SETX: variants seen among roughly 807,000 people sequenced by gnomAD.
SETX encodes the protein senataxin.
SETX carries 90 observed loss-of-function variants against 227.2 expected under a neutral mutation model. The ratio of observed to expected loss-of-function variants is 0.40; its 90% confidence interval spans 0.33 to 0.47. The LOEUF is 0.47. Ranked by LOEUF, SETX falls within the 20% of genes least tolerant of loss-of-function variation. The pLI is 0.91. For synonymous variants in SETX, 1,210 were observed against 1,113.2 expected, an observed-to-expected ratio of 1.09 and a Z score of -1.73; for missense variants, 3,052 against 3,181.5, an observed-to-expected ratio of 0.96 and a Z score of 0.98.
chr9:132,283,237 A>C, intron 19 of SETX, 27 bp downstream of exon 19: 3 of 1,614,162 alleles, frequency 1.9e-6, no homozygotes, highest in Non-Finnish European at 2.5e-6. Flanking sequence ...GTAGTAGTCA[A>C]AGTTGTATGG....
chr9:132,285,874 G>A lies in SETX; in HGVS notation c.6396+549C>T, dbSNP rs556032969. 1.4e-4 allele frequency among the ~76,000 whole-genome samples: 15 copies of A among 106,552 alleles called. No individual in the cohort carries two copies. In the Admixed American group the frequency reaches 1.4e-3, roughly 10 times the overall value. 69.9% of individuals were successfully genotyped at this position (106,552 alleles called of 152,430 possible). On this transcript the variant is annotated intron_variant, in intron 18 of 25. Coordinates refer to ENST00000224140, the MANE Select transcript of SETX (RefSeq NM_015046.7). The stretch of plus-strand genomic sequence containing the variant: ...CAGCCTGGCAACAGAGTGAGACTCT[G>A]TCTCAAAAAAAAAAAAACACAAAAG...
At chr9:132,308,033 T>C (rs1027817967) in intron 11 of SETX, among the ~76,000 whole-genome samples, 2 of 152,350 alleles carry the variant, frequency 1.3e-5, no homozygotes, top group Middle Eastern at 6.8e-3. Flanking sequence ...GTATTTATAC[T>C]GCCTTTCCTT....
Position 132,278,051 on chromosome 9 carries a change from A to G in SETX, c.6842+19T>C, listed in dbSNP as rs761912109. 1.9e-6 allele frequency: 3 copies of G among 1,608,284 alleles called. No homozygotes were observed. The highest frequency in any genetic ancestry group is 1.7e-6 in the Non-Finnish European group (2 of 1,175,196). On this transcript the variant is annotated intron_variant, in intron 21 of 25. Transcript: ENST00000224140. ...TAAACTACAACAAAATAAGGTCACA[A>G]ACAATAAGGGGAACTCACCTATTTG...
intron 15 of SETX, among the ~76,000 whole-genome samples, chr9:132,294,484 A>T (rs565120179): frequency 6.6e-6 from 1 of 152,388 alleles, no homozygotes; most frequent in African/African-American, 2.4e-5. Flanking sequence ...AAGTGGAAAA[A>T]AGTAAATCAG....
rs541298577 is a variant in SETX at position 132,343,233 on chromosome 9, C to T, written c.389-434G>A. Among the ~76,000 whole-genome samples, 15 of 152,250 alleles carry T rather than the reference C, an allele frequency of 9.9e-5. No individual in the cohort carries two copies. In the South Asian group the frequency reaches 1.0e-3, roughly 11 times the overall value. On this transcript the variant is annotated intron_variant, in intron 4 of 25. Coordinates refer to ENST00000224140, the MANE Select transcript of SETX (RefSeq NM_015046.7). ...ACTCGGAAGGCTGAGGCAGGAGAATCGCTTGAACCCAGGAGGTGGAGGTTG... is the reference window on the plus strand; with the variant it reads ...ACTCGGAAGGCTGAGGCAGGAGAATTGCTTGAACCCAGGAGGTGGAGGTTG...
intron 3 of SETX, among the ~76,000 whole-genome samples, chr9:132,347,115 G>A (rs1183825932): frequency 1.3e-5 from 2 of 151,612 alleles, no homozygotes; most frequent in East Asian, 2.0e-4. Context: ...ATAGCCAGGC[G>A]TAGTGGTGCA....
intron 11 of SETX, among the ~76,000 whole-genome samples, chr9:132,301,924 C>T (rs1845019171): frequency 6.6e-6 from 1 of 152,208 alleles, no homozygotes; most frequent in Non-Finnish European, 1.5e-5. Context: ...CTGAAAAATA[C>T]AAACCACTGC....
intron 1 of SETX, among the ~76,000 whole-genome samples, chr9:132,354,119 G>A (rs982049579): frequency 6.6e-6 from 1 of 152,192 alleles, no homozygotes; most frequent in Admixed American, 6.5e-5. Context: ...CGTTTCACTT[G>A]GGTCGTGCAA....
chr9:132,310,187 G>A (rs1248965127), intron 11 of SETX, among the ~76,000 whole-genome samples: 1 of 152,082 alleles, frequency 6.6e-6, no homozygotes, highest in Non-Finnish European at 1.5e-5. Context: ...TCCCTAATGA[G>A]GACATTACAA....
intron 15 of SETX, among the ~76,000 whole-genome samples, chr9:132,294,775 G>A (rs116729489): frequency 6.9e-4 from 105 of 152,280 alleles, no homozygotes; most frequent in African/African-American, 2.4e-3. Flanking sequence ...AGGTGCACTC[G>A]AGAATGGAGG....
chr9:132,325,961 T>C (rs1279374234), intron 10 of SETX, among the ~76,000 whole-genome samples: 1 of 150,798 alleles, frequency 6.6e-6, no homozygotes, highest in African/African-American at 2.4e-5. Context: ...AAGTGTTTCC[T>C]CTGTATTGCC....
intron 20 of SETX, among the ~76,000 whole-genome samples, chr9:132,280,191 G>A (rs1429068179): frequency 6.6e-6 from 1 of 151,900 alleles, no homozygotes; most frequent in Non-Finnish European, 1.5e-5. Context: ...AGAAACAGGT[G>A]GTCAAAAAAG....
In SETX at chr9:132,296,909, A is replaced by C. The variant is rs121434379; in HGVS notation, c.5927T>G (p.Leu1976Arg). 1.2e-5 allele frequency: 19 copies of C among 1,614,038 alleles called. No homozygotes were observed. The highest frequency in any genetic ancestry group is 2.7e-5 in the African/African-American group (2 of 74,926). The change falls in exon 14 of 26, where the codon CTC (leucine) becomes CGC (arginine). Residue 1976 changes from leucine (L) to arginine (R), a missense_variant. Leu to Arg is a moderately radical substitution (Grantham distance 102). Around this residue, in one of 10 missense-constraint regions of SETX, gnomAD observed 412 missense variants for 589.0 expected, o/e 0.70. Transcript: ENST00000224140. ...GTGKSKTIVG[L>R]LYRLLTENQR... Reference sequence around the variant, plus strand: ...TACCTCTGTCAGTAGACGATAGAGGAGGCCAACAATAGTTTTTGATTTTCC... The same window carrying C: ...TACCTCTGTCAGTAGACGATAGAGGCGGCCAACAATAGTTTTTGATTTTCC...
chr9:132,299,916 G>C (rs991524988), intron 12 of SETX, among the ~76,000 whole-genome samples: 6 of 151,996 alleles, frequency 3.9e-5, no homozygotes, highest in African/African-American at 1.2e-4. Flanking sequence ...GTTGATGGGG[G>C]TGAGGAGTTC....
intron 11 of SETX, among the ~76,000 whole-genome samples, chr9:132,309,555 C>T (rs1291047105): frequency 2.0e-5 from 3 of 152,014 alleles, no homozygotes; most frequent in South Asian, 2.1e-4. Flanking sequence ...ACGTAAAAAC[C>T]AGCTGGGCGA....
In SETX at chr9:132,314,740, A is replaced by G. The variant is rs141976963; in HGVS notation, c.5275-2884T>C. 3.3e-4 allele frequency among the ~76,000 whole-genome samples: 50 copies of G among 152,222 alleles called. 1 individual carries two copies. In the East Asian group the frequency reaches 9.6e-3, roughly 29 times the overall value. On this transcript the variant is annotated intron_variant, in intron 10 of 25. Transcript: ENST00000224140. Reference sequence around the variant, plus strand: ...AACTGGAGGTTCCTAATAATTTAGTAATTTAACATTTTTCAGATCAAATAG... The same window carrying G: ...AACTGGAGGTTCCTAATAATTTAGTGATTTAACATTTTTCAGATCAAATAG...
At chr9:132,309,768 G>A (rs1845544736) in intron 11 of SETX, among the ~76,000 whole-genome samples, 1 of 152,100 alleles carries the variant, frequency 6.6e-6, no homozygotes, top group South Asian at 2.1e-4. Flanking sequence ...TCTGCGAGCT[G>A]TAGTTTGCTA....
rs1285827041 is a variant in SETX at position 132,353,753 on chromosome 9, T to C, written c.-112A>G. The C allele has an allele frequency of 6.6e-6, 1 of 152,216 alleles. No individual in the cohort carries two copies. Among genetic ancestry groups the C allele is most frequent in the Admixed American group, 6.5e-5 (1 of 15,286 alleles). The allele number at this position is 152,216 out of a possible 1,614,324, so 9.4% of individuals were successfully genotyped here. A position where few individuals can be genotyped will look rare whatever the true frequency, so the allele number is the denominator to read the frequency against. On this transcript the variant is annotated splice_region_variant and 5_prime_UTR_variant, in exon 2 of 26. The change abolishes an upstream ATG in the 5' untranslated region. Transcript: ENST00000224140. Reference sequence around the variant, plus strand: ...CCCAGACTCTGGCCCCAAAAGAACATTTCTGAAATTAAAAAACAAAAAACG... The same window carrying C: ...CCCAGACTCTGGCCCCAAAAGAACACTTCTGAAATTAAAAAACAAAAAACG...
intron 7 of SETX, among the ~76,000 whole-genome samples, chr9:132,333,416 T>TATATAC (rs779955041): frequency 1.8e-4 from 16 of 88,074 alleles, no homozygotes; most frequent in East Asian, 7.0e-4. Flanking sequence ...AAAATATATA[T>TATATAC]ACACACACAC....
Sources: allele counts gnomAD v4.1 joint callset (sites outside exome capture counted in the v4.1 genomes callset), GRCh38; gene constraint gnomAD v4.1.1; regional missense constraint gnomAD v4.1.1; transcripts MANE v1.5; gene names NCBI Gene and HGNC (gene_info 2026-07-23, HGNC 2026-07-21).